The following TOP6BL variants were observed in gnomAD, a reference collection of about 807,000 sequenced individuals.
The protein encoded by TOP6BL is type 2 DNA topoisomerase 6 subunit B-like.
At chr11:66,788,179 C>T in the TOP6BL span, 96 of 1,613,554 alleles carry the variant, frequency 5.9e-5, no homozygotes, top group African/African-American at 4.7e-4. Context: ...CCATACTGCC[C>T]GGAATCTCTG....
At chr11:66,831,996 CAAAAAAAA>C in the TOP6BL span, among the ~76,000 whole-genome samples, 3 of 46,650 alleles carry the variant, frequency 6.4e-5, no homozygotes, top group Admixed American at 2.6e-4. Context: ...GACTCTGTCT[CAAAAAAAA>C]AAAAAAAAAA....
At chr11:66,789,464 C>T in the TOP6BL span, among the ~76,000 whole-genome samples, 1 of 152,182 alleles carries the variant, frequency 6.6e-6, no homozygotes, top group East Asian at 1.9e-4. Flanking sequence ...TAATTATATG[C>T]TCATTCTGAA....
At chr11:66,808,977 G>T in the TOP6BL span, among the ~76,000 whole-genome samples, 2 of 152,046 alleles carry the variant, frequency 1.3e-5, no homozygotes, top group South Asian at 4.1e-4. Context: ...ACGGAGTCTC[G>T]CTCCGTCGCC....
chr11:66,813,015 T>A, the TOP6BL span, among the ~76,000 whole-genome samples: 1 of 152,164 alleles, frequency 6.6e-6, no homozygotes, highest in African/African-American at 2.4e-5. Flanking sequence ...AGAAACCATT[T>A]CAGGGGCATG....
chr11:66,827,564 GTTA>G, the TOP6BL span, among the ~76,000 whole-genome samples: 1 of 151,908 alleles, frequency 6.6e-6, no homozygotes. Flanking sequence ...ATCAGCCTCA[GTTA>G]TGCAGTAGAA....
At chr11:66,813,835 A>G in the TOP6BL span, 16 of 1,606,206 alleles carry the variant, frequency 1.0e-5, no homozygotes, top group Non-Finnish European at 1.4e-5. Flanking sequence ...TAAGATACTA[A>G]AATTTGGCAG....
chr11:66,843,129 T>C, the TOP6BL span: 4 of 1,606,606 alleles, frequency 2.5e-6, no homozygotes, highest in African/African-American at 1.3e-5. Context: ...CACGGGCCGC[T>C]GCTGAGAGGT....
the TOP6BL span, among the ~76,000 whole-genome samples, chr11:66,753,406 CTTTTTTTTT>C: frequency 5.8e-5 from 7 of 120,740 alleles, no homozygotes; most frequent in African/African-American, 2.3e-4. Context: ...AGGACTTAGT[CTTTTTTTTT>C]TTTTTTTTTG....
the TOP6BL span, chr11:66,762,364 C>A: frequency 2.7e-6 from 1 of 371,632 alleles, no homozygotes; most frequent in South Asian, 2.5e-5. Context: ...CGCAGAAGCC[C>A]AGCATATGGG....
the TOP6BL span, among the ~76,000 whole-genome samples, chr11:66,763,471 C>CATTATTATT: frequency 2.0e-5 from 3 of 151,484 alleles, no homozygotes; most frequent in Non-Finnish European, 4.4e-5. Flanking sequence ...AGATTTTAAA[C>CATTATTATT]ATTATTATTA....
the TOP6BL span, among the ~76,000 whole-genome samples, chr11:66,770,714 C>T: frequency 6.6e-6 from 1 of 152,016 alleles, no homozygotes; most frequent in African/African-American, 2.4e-5. Context: ...AAAACAAATG[C>T]TCCACACACC....
the TOP6BL span, chr11:66,843,110 G>A: frequency 6.3e-7 from 1 of 1,599,550 alleles, no homozygotes; most frequent in South Asian, 1.1e-5. Flanking sequence ...CTCAGCAGGA[G>A]GTGCAGGCCA....
chr11:66,827,832 G>A, the TOP6BL span, among the ~76,000 whole-genome samples: 1 of 151,826 alleles, frequency 6.6e-6, no homozygotes, highest in African/African-American at 2.4e-5. Flanking sequence ...GGGTGTGGTG[G>A]TGCATGCCTG....
chr11:66,825,495 C>CAA, the TOP6BL span, among the ~76,000 whole-genome samples: 7 of 140,282 alleles, frequency 5.0e-5, no homozygotes, highest in Admixed American at 7.1e-5. Context: ...CTGTCCCAAC[C>CAA]AAAAAAAAAA....
At chr11:66,843,148 C>A in the TOP6BL span, 2 of 1,610,090 alleles carry the variant, frequency 1.2e-6, no homozygotes, top group Non-Finnish European at 8.5e-7. Flanking sequence ...GTCCTCACCC[C>A]GGGCCCCCTT....
the TOP6BL span, among the ~76,000 whole-genome samples, chr11:66,780,406 T>G: frequency 2.6e-5 from 4 of 152,150 alleles, no homozygotes; most frequent in African/African-American, 9.7e-5. Flanking sequence ...AGAAAATCCT[T>G]TAGCAAATCT....
At chr11:66,816,174 T>C in the TOP6BL span, 1 of 1,609,664 alleles carries the variant, frequency 6.2e-7, no homozygotes, top group Non-Finnish European at 8.5e-7. Context: ...ACAGTGCATT[T>C]CCAGTCCAGC....
the TOP6BL span, among the ~76,000 whole-genome samples, chr11:66,774,204 G>T: frequency 2.0e-5 from 3 of 151,988 alleles, no homozygotes; most frequent in African/African-American, 7.2e-5. Context: ...CAAACAGATT[G>T]CTACTTGTCC....
chr11:66,800,902 C>T, the TOP6BL span: 1 of 1,076,692 alleles, frequency 9.3e-7, no homozygotes, highest in East Asian at 2.6e-5. Context: ...TGCCATTTTC[C>T]CCTTGGTTAA....
Sources: allele counts gnomAD v4.1 joint callset (sites outside exome capture counted in the v4.1 genomes callset), GRCh38; gene constraint gnomAD v4.1.1; transcripts MANE v1.5; gene names NCBI Gene and HGNC (gene_info 2026-07-23, HGNC 2026-07-21).